NDST4: variants seen among roughly 807,000 people sequenced by gnomAD.
The protein encoded by NDST4 is N-heparan sulfate sulfotransferase 4.
NDST4 carries 63 observed loss-of-function variants against 100.8 expected under a neutral mutation model. The observed-to-expected ratio is 0.62, with a 90% CI of 0.51 to 0.77. The LOEUF (loss-of-function observed/expected upper bound fraction) is 0.77, where lower values mean the gene tolerates loss of function less well. Ranked by LOEUF, NDST4 falls within the 30% of genes least tolerant of loss-of-function variation. The pLI, the probability that NDST4 is intolerant of heterozygous loss-of-function variation, is 0.00. For missense variants in NDST4, 943 were observed against 1,018.4 expected, an observed-to-expected ratio of 0.93 and a Z score of 1.01; for synonymous variants, 377 against 361.8, an observed-to-expected ratio of 1.04 and a Z score of -0.48.
At chr4:114,846,485 T>C (rs983925430) in intron 9 of NDST4, among the ~76,000 whole-genome samples, 3 of 152,322 alleles carry the variant, frequency 2.0e-5, no homozygotes, top group East Asian at 1.9e-4. Context: ...ATGGCGGTTC[T>C]CTTCCTTCTT....
intron 2 of NDST4, among the ~76,000 whole-genome samples, chr4:114,993,902 T>C (rs1727105095): frequency 6.6e-6 from 1 of 152,002 alleles, no homozygotes; most frequent in Non-Finnish European, 1.5e-5. Flanking sequence ...ACAGTGTCTA[T>C]TGACAAATCT....
chr4:114,889,347 A>G (rs1381961476), intron 6 of NDST4, among the ~76,000 whole-genome samples: 6 of 152,198 alleles, frequency 3.9e-5, no homozygotes, highest in Non-Finnish European at 7.3e-5. Context: ...TACAAATTAT[A>G]TAACTGGTTA....
intron 2 of NDST4, among the ~76,000 whole-genome samples, chr4:115,056,311 C>A (rs1029098655): frequency 3.3e-5 from 5 of 152,002 alleles, no homozygotes; most frequent in Non-Finnish European, 7.4e-5. Context: ...TATGATCACT[C>A]CAGTCTGGGC....
chr4:114,915,116 G>A (rs1409974037), intron 6 of NDST4, among the ~76,000 whole-genome samples: 1 of 152,152 alleles, frequency 6.6e-6, no homozygotes, highest in Non-Finnish European at 1.5e-5. Context: ...GTCCTTCAGA[G>A]TTGATAAGAA....
intron 6 of NDST4, among the ~76,000 whole-genome samples, chr4:114,898,477 C>T (rs75313373): frequency 2.0e-5 from 3 of 152,058 alleles, no homozygotes; most frequent in African/African-American, 4.8e-5. Context: ...CCCTTGAAGT[C>T]GGGTAGTGTC....
At chr4:115,112,336 T>C (rs1729972302) in intron 1 of NDST4, among the ~76,000 whole-genome samples, 1 of 151,910 alleles carries the variant, frequency 6.6e-6, no homozygotes, top group African/African-American at 2.4e-5. Context: ...ATTTTAACCA[T>C]GTTGTTGGTG....
chr4:114,931,217 A>C (rs1725506147), intron 6 of NDST4, among the ~76,000 whole-genome samples: 1 of 151,574 alleles, frequency 6.6e-6, no homozygotes, highest in Non-Finnish European at 1.5e-5. Context: ...ATAATATTTA[A>C]TTATTATATT....
chr4:114,962,508 T>C (rs1726285764), intron 4 of NDST4, among the ~76,000 whole-genome samples: 1 of 152,062 alleles, frequency 6.6e-6, no homozygotes, highest in South Asian at 2.1e-4. Context: ...ATTGTACTTC[T>C]ATACAAAAAA....
chr4:115,075,518 G>A (rs1474964864), intron 2 of NDST4, among the ~76,000 whole-genome samples: 1 of 152,146 alleles, frequency 6.6e-6, no homozygotes, highest in African/African-American at 2.4e-5. Context: ...CGGGTGCAGT[G>A]GCTCACGCCT....
chr4:114,945,687 G>A lies in NDST4; in HGVS notation c.1222-8184C>T, dbSNP rs571566523. 7.2e-4 allele frequency among the ~76,000 whole-genome samples: 109 copies of A among 152,270 alleles called. 1 individual carries two copies. The highest frequency in any genetic ancestry group is 5.8e-4 in the East Asian group (3 of 5,182). On this transcript the variant is annotated intron_variant, in intron 4 of 13. Transcript: ENST00000264363. ...TCTTCTCCTAAATGCACAACTTCTA[G>A]GGAGTGACACTGGCGCTACAGAGAA...
chr4:114,914,505 C>T (rs1725128186), intron 6 of NDST4, among the ~76,000 whole-genome samples: 1 of 151,974 alleles, frequency 6.6e-6, no homozygotes, highest in Non-Finnish European at 1.5e-5. Context: ...GATACCACTG[C>T]ATTAGAAAGA....
At chr4:114,864,102 C>T (rs1263242594) in intron 7 of NDST4, among the ~76,000 whole-genome samples, 2 of 152,066 alleles carry the variant, frequency 1.3e-5, no homozygotes, top group Non-Finnish European at 2.9e-5. Flanking sequence ...TTGCTTTGCT[C>T]ACTATTCTCC....
At chr4:114,945,208 CA>C (rs1173970826) in intron 4 of NDST4, among the ~76,000 whole-genome samples, 3,440 of 53,564 alleles carry the variant, frequency 0.064, 49 homozygotes, top group African/African-American at 0.2. Flanking sequence ...AACTCCGTCT[CA>C]AAAAAAAAAA....
In NDST4 at chr4:115,077,067, C is replaced by T. The variant is rs762430013; in HGVS notation, c.-31G>A. On this transcript the variant is annotated 5_prime_UTR_variant, in exon 2 of 14. Coordinates refer to ENST00000264363, the MANE Select transcript of NDST4 (RefSeq NM_022569.3). ...AGAATAATGTTTTGGAAGCTTTTTCCCAATTTCGTTTCCTAAAGTGCCATA... is the reference window on the plus strand; with the variant it reads ...AGAATAATGTTTTGGAAGCTTTTTCTCAATTTCGTTTCCTAAAGTGCCATA... The T allele has an allele frequency of 6.5e-7, 1 of 1,549,622 alleles. No homozygotes were observed. Among genetic ancestry groups the T allele is most frequent in the African/African-American group, 1.4e-5 (1 of 72,768 alleles).
intron 2 of NDST4, among the ~76,000 whole-genome samples, chr4:114,979,194 A>T (rs1726709590): frequency 6.6e-6 from 1 of 151,640 alleles, no homozygotes; most frequent in Non-Finnish European, 1.5e-5. Context: ...AAATCCTACC[A>T]ATTCTTTATA....
chr4:115,101,831 T>TC (rs773997837), intron 1 of NDST4, among the ~76,000 whole-genome samples: 3 of 152,136 alleles, frequency 2.0e-5, no homozygotes, highest in Non-Finnish European at 4.4e-5. Flanking sequence ...AGGTGAGAAC[T>TC]CTGTAAGCGA....
intron 1 of NDST4, among the ~76,000 whole-genome samples, chr4:115,112,789 T>C (rs1729980856): frequency 6.6e-6 from 1 of 151,958 alleles, no homozygotes; most frequent in South Asian, 2.1e-4. Context: ...CATAAAGCTT[T>C]CTGTCCTCCT....
intron 10 of NDST4, 118 bp downstream of exon 10, chr4:114,845,705 G>T: frequency 1.1e-6 from 1 of 897,024 alleles, no homozygotes; most frequent in East Asian, 2.6e-5. Flanking sequence ...GGGGGTTGTG[G>T]GTTTAGATAT....
chr4:114,874,189 G>T (rs1045695217), intron 6 of NDST4, among the ~76,000 whole-genome samples: 5 of 152,114 alleles, frequency 3.3e-5, no homozygotes, highest in African/African-American at 1.2e-4. Context: ...GTATCATAAA[G>T]AGTATTTTTA....
Sources: allele counts gnomAD v4.1 joint callset (sites outside exome capture counted in the v4.1 genomes callset), GRCh38; gene constraint gnomAD v4.1.1; transcripts MANE v1.5; gene names NCBI Gene and HGNC (gene_info 2026-07-23, HGNC 2026-07-21).